PLCH1: variants seen among roughly 807,000 people sequenced by gnomAD.
PLCH1 encodes the protein phospholipase C eta 1.
Under a neutral mutation model 126.7 loss-of-function variants are expected in PLCH1, and 60 were observed. The observed-to-expected ratio is 0.47, with a 90% CI of 0.38 to 0.59. The LOEUF is 0.59. Among genes scored for constraint, PLCH1 ranks in the 20% least tolerant of loss-of-function variants. The pLI, the probability that PLCH1 is intolerant of heterozygous loss-of-function variation, is 0.00. For synonymous variants in PLCH1, 719 were observed against 734.9 expected (o/e 0.98, Z 0.35); for missense variants, 1,723 against 2,040.0 (o/e 0.84, Z 2.99).
chr3:155,594,035 C>T lies in PLCH1; in HGVS notation c.376G>A (p.Glu126Lys), dbSNP rs775006906. 12 of 1,613,792 alleles carry T rather than the reference C, an allele frequency of 7.4e-6. No homozygotes were observed. In the Admixed American group the frequency reaches 1.5e-4, roughly 20 times the overall value. The change falls in exon 4 of 23, where the codon GAG becomes AAG. Residue 126 changes from glutamate to lysine, a missense_variant. By Grantham distance (56) the Glu-to-Lys change is moderately conservative. Around this residue, in one of 2 missense-constraint regions of PLCH1, gnomAD observed 776 missense variants for 1,062.9 expected, o/e 0.73. Coordinates refer to ENST00000460012, the MANE Select transcript of PLCH1 (RefSeq NM_014996.4). ...ESLDLITSNP[E>K]EARTWITGLK... is the part of the protein sequence containing the mutation. ...CCTGTGATCCAGGTGCGGGCCTCCT[C>T]GGGGTTGGAGGTGATGAGGTCCAGG... is the stretch of plus-strand genomic sequence containing the variant.
intron 2 of PLCH1, among the ~76,000 whole-genome samples, chr3:155,689,019 T>C (rs554663356): frequency 6.7e-4 from 102 of 152,330 alleles, no homozygotes; most frequent in African/African-American, 2.4e-3. Context: ...GTCAGTGCCA[T>C]GCTGGCTTCA....
At chr3:155,635,285 C>T (rs1738584527) in intron 2 of PLCH1, among the ~76,000 whole-genome samples, 1 of 152,074 alleles carries the variant, frequency 6.6e-6, no homozygotes, top group African/African-American at 2.4e-5. Flanking sequence ...TCTTTTTATA[C>T]TCATAGGTAC....
chr3:155,572,936 C>T (rs1231697769), intron 6 of PLCH1, among the ~76,000 whole-genome samples: 1 of 151,834 alleles, frequency 6.6e-6, no homozygotes, highest in Non-Finnish European at 1.5e-5. Context: ...TTTGTAGAGA[C>T]AGGGTGTAGC....
At chr3:155,597,043 C>T (rs952354672) in intron 2 of PLCH1, among the ~76,000 whole-genome samples, 1 of 152,222 alleles carries the variant, frequency 6.6e-6, no homozygotes, top group Non-Finnish European at 1.5e-5. Context: ...TTAAAGTTGT[C>T]ATTTAAATCC....
intron 2 of PLCH1, among the ~76,000 whole-genome samples, chr3:155,635,446 C>T (rs1738607734): frequency 1.3e-5 from 2 of 152,200 alleles, no homozygotes; most frequent in Admixed American, 6.5e-5. Context: ...CTACAGCCTG[C>T]TCTGAGAGGA....
intron 4 of PLCH1, among the ~76,000 whole-genome samples, chr3:155,586,902 C>CATGGATTTAGT (rs1731452375): frequency 6.6e-6 from 1 of 152,142 alleles, no homozygotes; most frequent in South Asian, 2.1e-4. Flanking sequence ...ACTAAAACCT[C>CATGGATTTAGT]ATGGATACTA....
At position 155,741,684 on chromosome 3, in the gene PLCH1, C is replaced by CTTTTATTTTTTTTTTTTTTTTTTTT; in HGVS notation, c.-41+3155_-41+3156insAAAAAAAAAAAAAAAAAAAATAAAA. 3.6e-4 allele frequency among the ~76,000 whole-genome samples: 37 copies of CTTTTATTTTTTTTTTTTTTTTTTTT among 102,860 alleles called. 1 individual carries two copies. The highest frequency in any genetic ancestry group is 1.6e-3 in the African/African-American group (34 of 20,894). 67.5% of individuals were successfully genotyped at this position (102,860 alleles called of 152,430 possible). ...TCCTTTTATCATAATTTTATATCCT[C>CTTTTATTTTTTTTTTTTTTTTTTTT]TTTTTTTTTTTTTTTTTTTTGTTCA... is the stretch of plus-strand genomic sequence containing the variant. On this transcript the variant is annotated intron_variant, in intron 1 of 22. Coordinates refer to ENST00000460012, the MANE Select transcript of PLCH1 (RefSeq NM_014996.4).
intron 12 of PLCH1, 47 bp from the exon 13 acceptor site, chr3:155,504,673 G>C (rs373915274): frequency 1.0e-4 from 136 of 1,338,576 alleles, no homozygotes; most frequent in Non-Finnish European, 1.3e-4. Context: ...CTTTGCTTTT[G>C]TCTTTTTCCT....
intron 1 of PLCH1, among the ~76,000 whole-genome samples, chr3:155,723,769 C>A (rs1748119224): frequency 6.6e-6 from 1 of 152,010 alleles, no homozygotes; most frequent in South Asian, 2.1e-4. Context: ...GCCTGGCCAA[C>A]ATGGTGAAAC....
chr3:155,471,009 G>C (rs373737627), intron 21 of PLCH1, among the ~76,000 whole-genome samples: 4,806 of 149,974 alleles, frequency 0.032, 89 homozygotes, highest in Non-Finnish European at 0.048. Flanking sequence ...TAGGAAGAAA[G>C]TGCATCAACT....
intron 2 of PLCH1, among the ~76,000 whole-genome samples, chr3:155,621,061 A>C (rs1337146348): frequency 6.6e-6 from 1 of 152,148 alleles, no homozygotes; most frequent in Non-Finnish European, 1.5e-5. Context: ...CTTCCAGAGG[A>C]AGGAACAGGC....
intron 2 of PLCH1, among the ~76,000 whole-genome samples, chr3:155,679,060 G>A (rs753912131): frequency 3.3e-5 from 5 of 152,140 alleles, no homozygotes; most frequent in Non-Finnish European, 5.9e-5. Context: ...CATGGAAGAT[G>A]GAGAAAGATG....
At chr3:155,692,197 T>C (rs1344045492) in intron 2 of PLCH1, among the ~76,000 whole-genome samples, 1 of 151,986 alleles carries the variant, frequency 6.6e-6, no homozygotes, top group Non-Finnish European at 1.5e-5. Context: ...AAAAGGAAAA[T>C]AACCATATGA....
intron 1 of PLCH1, among the ~76,000 whole-genome samples, chr3:155,733,938 T>TAC: frequency 2.1e-5 from 1 of 46,806 alleles, no homozygotes. Context: ...GGTATACATA[T>TAC]ATATATATAT....
intron 1 of PLCH1, among the ~76,000 whole-genome samples, chr3:155,716,700 C>T (rs149492863): frequency 2.0e-5 from 3 of 152,158 alleles, no homozygotes; most frequent in African/African-American, 7.2e-5. Flanking sequence ...GACCCAAACA[C>T]CTCCCACCAG....
rs142570819 is a variant in PLCH1 at position 155,565,041 on chromosome 3, G to C, written c.943C>G (p.Gln315Glu). Residue 315 changes from glutamine (Q) to glutamate (E), a missense_variant, in exon 8 of 23, where the codon CAG becomes GAG. Physicochemically the swap from Gln to Glu is conservative, Grantham distance 29. Around this residue, in one of 2 missense-constraint regions of PLCH1, gnomAD observed 776 missense variants for 1,062.9 expected, o/e 0.73. Coordinates refer to ENST00000460012, the MANE Select transcript of PLCH1 (RefSeq NM_014996.4). ...GCAATGTAGTAGTTGCAGAGGGGCTGATCCATGTCTTGGTACACTTCATGG... is the reference window on the plus strand; with the variant it reads ...GCAATGTAGTAGTTGCAGAGGGGCTCATCCATGTCTTGGTACACTTCATGG... Reference protein sequence around the residue: ...LHHEVYQDMDQPLCNYYIASS... With the variant: ...LHHEVYQDMDEPLCNYYIASS... 5.0e-6 allele frequency: 8 copies of C among 1,613,086 alleles called. No individual in the cohort carries two copies. In the South Asian group the frequency reaches 7.7e-5, roughly 16 times the overall value.
chr3:155,654,120 C>T (rs1348828297), intron 2 of PLCH1, among the ~76,000 whole-genome samples: 4 of 151,080 alleles, frequency 2.6e-5, no homozygotes, highest in Non-Finnish European at 4.4e-5. Flanking sequence ...TACTCAACTC[C>T]GCAGCAGCAT....
intron 21 of PLCH1, among the ~76,000 whole-genome samples, chr3:155,469,777 T>C (rs1174450654): frequency 0.01 from 1,551 of 149,976 alleles, 25 homozygotes; most frequent in African/African-American, 0.031. Context: ...CCCTGACCCC[T>C]GAGCAGCCTA....
intron 2 of PLCH1, among the ~76,000 whole-genome samples, chr3:155,677,683 A>T (rs966080097): frequency 1.3e-5 from 2 of 152,200 alleles, no homozygotes; most frequent in Non-Finnish European, 2.9e-5. Context: ...TTTAATACAC[A>T]TAAAGTGCTT....
Sources: allele counts gnomAD v4.1 joint callset (sites outside exome capture counted in the v4.1 genomes callset), GRCh38; gene constraint gnomAD v4.1.1; regional missense constraint gnomAD v4.1.1; transcripts MANE v1.5; gene names NCBI Gene and HGNC (gene_info 2026-07-23, HGNC 2026-07-21).